ARMH3: variants seen among roughly 807,000 people sequenced by gnomAD.
ARMH3 encodes the protein armadillo-like helical domain-containing protein 3.
Under a neutral mutation model 99.1 loss-of-function variants are expected in ARMH3, and 60 were observed. The ratio of observed to expected loss-of-function variants is 0.61; its 90% confidence interval spans 0.49 to 0.75. The LOEUF (loss-of-function observed/expected upper bound fraction) is 0.75, where lower values mean the gene tolerates loss of function less well. Ranked by LOEUF, ARMH3 falls within the 30% of genes least tolerant of loss-of-function variation. ARMH3 has a pLI of 0.00. For synonymous variants in ARMH3, 285 were observed against 292.8 expected, an observed-to-expected ratio of 0.97 and a Z score of 0.27; for missense variants, 679 against 843.1, an observed-to-expected ratio of 0.81 and a Z score of 2.41.
chr10:101,973,601 C>G (rs1845867965), intron 20 of ARMH3, among the ~76,000 whole-genome samples: 1 of 151,800 alleles, frequency 6.6e-6, no homozygotes, highest in African/African-American at 2.4e-5. Context: ...GAATAGAAGG[C>G]AATGTGGACA....
At chr10:101,977,281 A>T (rs1428836085) in intron 19 of ARMH3, among the ~76,000 whole-genome samples, 1 of 152,228 alleles carries the variant, frequency 6.6e-6, no homozygotes, top group Non-Finnish European at 1.5e-5. Context: ...AGGTTAAGAT[A>T]AATGATATTT....
intron 24 of ARMH3, among the ~76,000 whole-genome samples, chr10:101,884,121 A>G (rs1335263122): frequency 6.6e-6 from 1 of 152,098 alleles, no homozygotes; most frequent in Non-Finnish European, 1.5e-5. Flanking sequence ...CTCAGGTTGC[A>G]TTATTTGCGG....
In ARMH3 at chr10:102,006,661, A is replaced by C. The variant is rs764204586; in HGVS notation, c.955-28T>G. The C allele has an allele frequency of 6.9e-6, 11 of 1,598,678 alleles. No individual in the cohort carries two copies. The South Asian group carries it at 1.1e-4, about 16-fold the overall frequency. ...GAAAAAGATACACAGATGTGTAAGAAAACAGAAAATCCAGTTCTCCCTGAG... is the reference window on the plus strand; with the variant it reads ...GAAAAAGATACACAGATGTGTAAGACAACAGAAAATCCAGTTCTCCCTGAG... On this transcript the variant is annotated intron_variant, in intron 13 of 25. Coordinates refer to ENST00000370033, the MANE Select transcript of ARMH3 (RefSeq NM_024541.3).
chr10:101,916,052 C>T (rs1218442660), intron 23 of ARMH3, among the ~76,000 whole-genome samples: 1 of 152,164 alleles, frequency 6.6e-6, no homozygotes, highest in African/African-American at 2.4e-5. Flanking sequence ...GATCCGCCCG[C>T]CCCGGCCTCC....
chr10:102,055,758 C>T (rs2067832218), intron 1 of ARMH3, among the ~76,000 whole-genome samples: 1 of 152,186 alleles, frequency 6.6e-6, no homozygotes, highest in Non-Finnish European at 1.5e-5. Flanking sequence ...GGGCAGCTGG[C>T]GGGGTCAAAG....
At chr10:101,984,222 A>T (rs532277039) in intron 19 of ARMH3, among the ~76,000 whole-genome samples, 1 of 152,244 alleles carries the variant, frequency 6.6e-6, no homozygotes, top group African/African-American at 2.4e-5. Context: ...ACCAAGTGAC[A>T]TAAGTTGCAA....
chr10:101,874,175 T>C (rs1402045590), intron 24 of ARMH3, among the ~76,000 whole-genome samples: 4 of 152,204 alleles, frequency 2.6e-5, no homozygotes, highest in African/African-American at 9.7e-5. Context: ...CAAAGTGGTA[T>C]AAGAGAACAT....
chr10:101,873,386 T>C (rs1044543326), intron 24 of ARMH3, among the ~76,000 whole-genome samples: 2 of 151,876 alleles, frequency 1.3e-5, no homozygotes, highest in Non-Finnish European at 2.9e-5. Context: ...CACTCCAGCC[T>C]GGGGGACAGG....
At chr10:101,992,170 T>C in intron 17 of ARMH3, 132 bp from the exon 18 acceptor site, 1 of 789,102 alleles carries the variant, frequency 1.3e-6, no homozygotes, top group Non-Finnish European at 2.1e-6. Context: ...CTTTTTCACA[T>C]GGTGGGAGAG....
chr10:101,852,424 G>C (rs566166017), intron 24 of ARMH3, among the ~76,000 whole-genome samples: 28 of 152,322 alleles, frequency 1.8e-4, no homozygotes, highest in African/African-American at 6.3e-4. Context: ...AGGGAGGTGA[G>C]AGCAGAAAAG....
intron 21 of ARMH3, among the ~76,000 whole-genome samples, chr10:101,957,268 C>T (rs1685101583): frequency 6.6e-6 from 1 of 152,186 alleles, no homozygotes; most frequent in African/African-American, 2.4e-5. Context: ...GCCAGATAAG[C>T]AAGCATCTGT....
In ARMH3 at chr10:101,891,669, A is replaced by T. The variant is rs1054827641; in HGVS notation, c.1782-2179T>A. 3.3e-5 allele frequency among the ~76,000 whole-genome samples: 5 copies of T among 152,268 alleles called. No individual in the cohort carries two copies. In the East Asian group the frequency reaches 9.6e-4, roughly 29 times the overall value. On this transcript the variant is annotated intron_variant, in intron 23 of 25. Transcript: ENST00000370033. ...ATTAAAATACGGAATTTAGTTAATA[A>T]TAATGCCAGTTACTTAGTGTTGATA...
intron 1 of ARMH3, among the ~76,000 whole-genome samples, chr10:102,042,685 G>C (rs749771959): frequency 6.6e-6 from 1 of 152,128 alleles, no homozygotes; most frequent in South Asian, 2.1e-4. Flanking sequence ...TCCTACCCAG[G>C]GAGTTTCTAA....
intron 20 of ARMH3, among the ~76,000 whole-genome samples, chr10:101,973,132 G>A (rs371408425): frequency 9.9e-5 from 15 of 152,206 alleles, no homozygotes; most frequent in African/African-American, 3.6e-4. Context: ...AGGCCGAGGT[G>A]GGCGGATCAC....
intron 23 of ARMH3, among the ~76,000 whole-genome samples, chr10:101,920,402 G>C (rs1157793223): frequency 6.6e-6 from 1 of 152,208 alleles, no homozygotes; most frequent in Non-Finnish European, 1.5e-5. Context: ...CATAGCTGCA[G>C]TGAGGTGACA....
intron 23 of ARMH3, among the ~76,000 whole-genome samples, chr10:101,917,676 T>C (rs72844674): frequency 1.3e-5 from 2 of 152,240 alleles, no homozygotes; most frequent in Non-Finnish European, 2.9e-5. Context: ...TTAGCAGATA[T>C]GCAATTTCCC....
intron 1 of ARMH3, among the ~76,000 whole-genome samples, chr10:102,050,598 C>T (rs897262655): frequency 1.3e-5 from 2 of 152,186 alleles, no homozygotes; most frequent in African/African-American, 4.8e-5. Flanking sequence ...TGGCTCAAGT[C>T]GGTAATCCCA....
chr10:101,887,949 G>A (rs1417658954), intron 24 of ARMH3, among the ~76,000 whole-genome samples: 1 of 151,752 alleles, frequency 6.6e-6, no homozygotes, highest in Non-Finnish European at 1.5e-5. Flanking sequence ...GTGCCAGAAA[G>A]GATTTTTATT....
chr10:101,933,962 G>A (rs1031368322), intron 23 of ARMH3, among the ~76,000 whole-genome samples: 1 of 152,224 alleles, frequency 6.6e-6, no homozygotes. Flanking sequence ...ATTTTGTTAA[G>A]TGAATTATAG....
Sources: allele counts gnomAD v4.1 joint callset (sites outside exome capture counted in the v4.1 genomes callset), GRCh38; gene constraint gnomAD v4.1.1; transcripts MANE v1.5; gene names NCBI Gene and HGNC (gene_info 2026-07-23, HGNC 2026-07-21).